The following RAET1G variants were observed in gnomAD, a reference collection of about 807,000 sequenced individuals.
RAET1G encodes retinoic acid early transcript 1G.
In RAET1G, 25 loss-of-function variants were observed where a neutral mutation model predicts 29.5. The observed-to-expected ratio is 0.85, with a 90% CI of 0.62 to 1.18. The LOEUF (loss-of-function observed/expected upper bound fraction) is 1.18, where lower values mean the gene tolerates loss of function less well. RAET1G is among the 50% of genes most tolerant of loss of function. RAET1G has a pLI of 0.00. For missense variants in RAET1G, 434 were observed against 423.6 expected, an observed-to-expected ratio of 1.02 and a Z score of -0.22; for synonymous variants, 167 against 159.5, an observed-to-expected ratio of 1.05 and a Z score of -0.36.
In RAET1G at chr6:149,918,169, C is replaced by T. The variant is rs762336317; in HGVS notation, c.842+5G>A. 1.9e-6 allele frequency: 3 copies of T among 1,613,788 alleles called. No individual in the cohort carries two copies. Among genetic ancestry groups the T allele is most frequent in the Non-Finnish European group, 2.5e-6 (3 of 1,179,726 alleles). On this transcript the variant is annotated splice_donor_5th_base_variant and intron_variant, in intron 4 of 4. Coordinates refer to ENST00000367360, the MANE Select transcript of RAET1G (RefSeq NM_001001788.4). ...TTTGCTCCACTCCCAATTCTGCCCC[C>T]ATACCTGTCACTCCAAAGGACTCTC...
intron 3 of RAET1G, chr6:149,918,715 A>C: frequency 1.7e-6 from 1 of 598,102 alleles, no homozygotes; most frequent in Non-Finnish European, 2.9e-6. Flanking sequence ...GAAACAGACC[A>C]GAGGAGGAAA....
rs181116379 is a variant in RAET1G at position 149,917,119 on chromosome 6, A to G, written c.843-45T>C. 6.3e-4 allele frequency: 939 copies of G among 1,494,138 alleles called. 3 individuals are homozygous for G. The highest frequency in any genetic ancestry group is 1.2e-3 in the Middle Eastern group (6 of 4,946). 92.6% of individuals were successfully genotyped at this position (1,494,138 alleles called of 1,614,324 possible). A position where few individuals can be genotyped will look rare whatever the true frequency, so the allele number is the denominator to read the frequency against. On this transcript the variant is annotated intron_variant, in intron 4 of 4. Transcript: ENST00000367360. The stretch of plus-strand genomic sequence containing the variant: ...GACAGCTTACGTCATTGTTTCTTCT[A>G]TGTATTTCTCGGACTTCAATACTTT...
intron 1 of RAET1G, among the ~76,000 whole-genome samples, 185 bp downstream of exon 1, chr6:149,922,741 C>T (rs1778622874): frequency 1.3e-5 from 2 of 152,220 alleles, no homozygotes; most frequent in African/African-American, 4.8e-5. Context: ...AGCTCCTCCC[C>T]TCGGAGGATA....
At chr6:149,919,363 G>A (rs1323082416) in intron 2 of RAET1G, 39 bp from the exon 3 acceptor site, 1 of 1,600,734 alleles carries the variant, frequency 6.2e-7, no homozygotes, top group Admixed American at 1.7e-5. Context: ...GGCCTTGACA[G>A]ATATTGAGCC....
Position 149,919,784 on chromosome 6 carries a change from T to G in RAET1G, c.118A>C (p.Ile40Leu). ...CGTGGTCCAGGTCTGAACTTAGGGA[T>G]GACGGTGATGTCATAGCAAAGAGAG... Reference protein sequence around the residue: ...PHSLCYDITVIPKFRPGPRWC... With the variant: ...PHSLCYDITVLPKFRPGPRWC... Residue 40 changes from isoleucine (I) to leucine (L), a missense_variant, in exon 2 of 5, where the codon ATC becomes CTC. Transcript: ENST00000367360. 6.2e-7 allele frequency: 1 copy of G among 1,612,176 alleles called. No homozygotes were observed. The highest frequency in any genetic ancestry group is 1.1e-5 in the South Asian group (1 of 90,998).
chr6:149,918,848 G>A (rs1778519195), intron 3 of RAET1G, 195 bp downstream of exon 3: 1 of 792,366 alleles, frequency 1.3e-6, no homozygotes, highest in Non-Finnish European at 2.0e-6. Context: ...TGAGGAAGAG[G>A]AGTCAGGAGG....
In RAET1G at chr6:149,916,935, G is replaced by A. The variant is rs1296271224; in HGVS notation, c.982C>T (p.Pro328Ser). Residue 328 changes from proline (P) to serine (S), a missense_variant, in exon 5 of 5, where the codon CCA becomes TCA. Pro to Ser is a moderately conservative substitution (Grantham distance 74). Coordinates refer to ENST00000367360, the MANE Select transcript of RAET1G (RefSeq NM_001001788.4). Reference protein sequence around the residue: ...INNGAARYSEPLQVSIS With the variant: ...INNGAARYSESLQVSIS ...CATCAAGATATGGAGACCTGTAGTG[G>A]CTCCGAATACCTGGCTGCGCCGTTA... 9 of 1,544,554 alleles carry A rather than the reference G, an allele frequency of 5.8e-6. No individual in the cohort carries two copies. The highest frequency in any genetic ancestry group is 8.7e-7 in the Non-Finnish European group (1 of 1,143,564).
chr6:149,917,758 G>A (rs1345290290), intron 4 of RAET1G, among the ~76,000 whole-genome samples: 1 of 152,122 alleles, frequency 6.6e-6, no homozygotes, highest in African/African-American at 2.4e-5. Context: ...CCTCAGAGAT[G>A]GAATCCCCCT....
intron 3 of RAET1G, 109 bp downstream of exon 3, chr6:149,918,934 T>G: frequency 1.3e-6 from 2 of 1,544,816 alleles, no homozygotes. Flanking sequence ...GAGGTCATTT[T>G]AACATAAACG....
chr6:149,918,134 C>A (rs372219869), intron 4 of RAET1G, 40 bp downstream of exon 4: 1 of 1,574,346 alleles, frequency 6.4e-7, no homozygotes, highest in Non-Finnish European at 8.7e-7. Flanking sequence ...CCCTCCTCAC[C>A]CACCTGCCCT....
rs115924243 is a variant in RAET1G at position 149,919,909 on chromosome 6, G to A, written c.86-93C>T. On this transcript the variant is annotated intron_variant, in intron 1 of 4. Transcript: ENST00000367360. The stretch of plus-strand genomic sequence containing the variant: ...GTGACAATAAGAGGAAGCCTCTGGA[G>A]GGCTGGGCTGGCCCAGCAAGGAGTG... 9.1e-4 allele frequency: 1,471 copies of A among 1,608,320 alleles called. 19 individuals carry two copies. The African/African-American group carries it at 0.018, about 20-fold the overall frequency.
chr6:149,921,085 G>A (rs1321002638), intron 1 of RAET1G, among the ~76,000 whole-genome samples: 1 of 152,228 alleles, frequency 6.6e-6, no homozygotes, highest in Non-Finnish European at 1.5e-5. Context: ...GGCCACTAGA[G>A]TTTGCTATGA....
chr6:149,918,379 G>A lies in RAET1G; in HGVS notation c.637C>T (p.Pro213Ser). Residue 213 changes from proline (P) to serine (S), a missense_variant, in exon 4 of 5, where the codon CCC becomes TCC. Physicochemically the swap from Pro to Ser is moderately conservative, Grantham distance 74 (BLOSUM62 -1). Transcript: ENST00000367360. ...TGGGCTGTGCCTGAGGACATGGTGG[G>A]TGGTGCTGAAATGGAAGCACAAGAG... is the stretch of plus-strand genomic sequence containing the variant. The part of the protein sequence containing the change: ...STLEPSAGAP[P>S]TMSSGTAQPR... 1 of 1,614,082 alleles carries A rather than the reference G, an allele frequency of 6.2e-7. No homozygotes were observed. Among genetic ancestry groups the A allele is most frequent in the Non-Finnish European group, 8.5e-7 (1 of 1,179,946 alleles).
At position 149,916,913 on chromosome 6, in the gene RAET1G, C is replaced by G; in HGVS notation, c.1004G>C (p.Ter335SerextTer?). 1 of 1,509,972 alleles carries G rather than the reference C, an allele frequency of 6.6e-7. No individual in the cohort carries two copies. Among genetic ancestry groups the G allele is most frequent in the Non-Finnish European group, 8.9e-7 (1 of 1,127,028 alleles). 93.5% of individuals were successfully genotyped at this position (1,509,972 alleles called of 1,614,324 possible). A position where few individuals can be genotyped will look rare whatever the true frequency, so the allele number is the denominator to read the frequency against. ...AAGACAGCTGGGCCCAGGGAACCATCAAGATATGGAGACCTGTAGTGGCTC... is the reference window on the plus strand; with the variant it reads ...AAGACAGCTGGGCCCAGGGAACCATGAAGATATGGAGACCTGTAGTGGCTC... ...YSEPLQVSIS* is the reference protein window; with the variant it reads ...YSEPLQVSISS The change falls in exon 5 of 5, where the codon TGA becomes TCA. Residue 335 changes from the stop codon to serine, a stop_lost. Transcript: ENST00000367360.
intron 1 of RAET1G, 96 bp downstream of exon 1, chr6:149,922,830 C>A (rs1283991661): frequency 4.9e-6 from 4 of 816,260 alleles, no homozygotes; most frequent in Non-Finnish European, 7.5e-6. Flanking sequence ...GGTGATCGCA[C>A]GGGTCCTTCC....
chr6:149,918,357 G>A lies in RAET1G; in HGVS notation c.659C>T (p.Ala220Val). 6.2e-7 allele frequency: 1 copy of A among 1,614,140 alleles called. No homozygotes were observed. Residue 220 changes from alanine to valine, a missense_variant, in exon 4 of 5, where the codon GCC becomes GTC. Ala to Val is a moderately conservative substitution (Grantham distance 64). Transcript: ENST00000367360. ...GAPPTMSSGT[A>V]QPRATATTLI... is the part of the protein sequence containing the mutation. ...GGTGGTGGCCGTGGCCCTGGGTTGG[G>A]CTGTGCCTGAGGACATGGTGGGTGG...
chr6:149,919,955 T>C, intron 1 of RAET1G, 139 bp from the exon 2 acceptor site: 1 of 1,562,698 alleles, frequency 6.4e-7, no homozygotes, highest in Non-Finnish European at 8.6e-7. Flanking sequence ...AACTGTGGTG[T>C]CCACAAGATT....
At chr6:149,920,271 G>T (rs1201446565) in intron 1 of RAET1G, among the ~76,000 whole-genome samples, 1 of 152,174 alleles carries the variant, frequency 6.6e-6, no homozygotes, top group Non-Finnish European at 1.5e-5. Context: ...TAATTATCAT[G>T]GTCACAGGAT....
intron 1 of RAET1G, among the ~76,000 whole-genome samples, chr6:149,920,763 G>A (rs554540197): frequency 1.7e-4 from 26 of 152,336 alleles, no homozygotes; most frequent in Admixed American, 5.2e-4. Context: ...GGAGACCTCA[G>A]TCATACAAAG....
Sources: allele counts gnomAD v4.1 joint callset (sites outside exome capture counted in the v4.1 genomes callset), GRCh38; gene constraint gnomAD v4.1.1; transcripts MANE v1.5; gene names NCBI Gene and HGNC (gene_info 2026-07-23, HGNC 2026-07-21).